GSE1: variants seen among roughly 807,000 people sequenced by gnomAD.
The protein encoded by GSE1 is genetic suppressor element 1.
A neutral mutation model predicts 112.6 loss-of-function variants in GSE1; 32 were observed. That is an observed-to-expected ratio of 0.28 (90% CI 0.21 to 0.38). The LOEUF (loss-of-function observed/expected upper bound fraction) is 0.38. Ranked by LOEUF, GSE1 falls within the 10% of genes least tolerant of loss-of-function variation. GSE1 has a pLI of 1.00. For synonymous variants in GSE1, 1,115 were observed against 735.6 expected (o/e 1.52, Z -8.35); for missense variants, 2,348 against 1,699.2 (o/e 1.38, Z -6.71).
At position 85,419,605 on chromosome 16, in the gene GSE1, CAAAAAAA is replaced by C. The variant is rs35813254; in HGVS notation, c.2464+61968_2464+61974del. Among the ~76,000 whole-genome samples, 1 of 145,522 alleles carries C rather than the reference CAAAAAAA, an allele frequency of 6.9e-6. No homozygotes were observed. Among genetic ancestry groups the C allele is most frequent in the Non-Finnish European group, 1.5e-5 (1 of 66,164 alleles). On this transcript the variant is annotated intron_variant, in intron 2 of 2. Coordinates refer to the GSE1 transcript ENST00000637419. The surrounding 1 kb of genome is among the most constrained non-coding windows in gnomAD (Gnocchi z 6.5). ...TGGGCAATAGAGCAAGGCTGTGTCT[CAAAAAAA>C]AAAAACAAAAAACAAAAAACAAAAA...
intron 1 of GSE1, among the ~76,000 whole-genome samples, chr16:85,185,855 C>T (rs1433761387): frequency 1.3e-5 from 2 of 152,202 alleles, no homozygotes; most frequent in Admixed American, 6.5e-5. Context: ...CTGGAGGGCC[C>T]TGCGGGGGCT....
At chr16:85,191,895 A>G (rs1032882565) in intron 1 of GSE1, among the ~76,000 whole-genome samples, 2 of 152,046 alleles carry the variant, frequency 1.3e-5, no homozygotes, top group Non-Finnish European at 2.9e-5. Context: ...TGAAGGACTT[A>G]GGCCATTAGC....
In GSE1 at chr16:85,669,005, A is replaced by C. The variant is rs867491916; in HGVS notation, c.3415+581A>C. ...ATCCCACCTGGGAATGCACACACCA[A>C]CCCTCCTGGGAAGCCACAGCACCAG... On this transcript the variant is annotated intron_variant, in intron 14 of 15. Coordinates refer to ENST00000253458, the MANE Select transcript of GSE1 (RefSeq NM_014615.5). 2.1e-3 allele frequency among the ~76,000 whole-genome samples: 325 copies of C among 152,254 alleles called. 1 individual carries two copies. Among genetic ancestry groups the C allele is most frequent in the African/African-American group, 7.4e-3 (307 of 41,538 alleles).
Position 85,280,627 on chromosome 16 carries a change from C to G in GSE1, c.2284-76836C>G, listed in dbSNP as rs186920498. 1.1e-4 allele frequency among the ~76,000 whole-genome samples: 17 copies of G among 152,246 alleles called. No individual in the cohort carries two copies. The East Asian group carries it at 3.1e-3, about 28-fold the overall frequency. On this transcript the variant is annotated intron_variant, in intron 1 of 2. Coordinates refer to the GSE1 transcript ENST00000637419. ...GCCAGGCCGCTCTCGAACTTCTGAC[C>G]TCAAGTGATCCGCCCACCTCAGCCT...
chr16:85,208,082 G>A (rs553511184), intron 1 of GSE1, among the ~76,000 whole-genome samples: 1 of 152,260 alleles, frequency 6.6e-6, no homozygotes, highest in Admixed American at 6.5e-5. Context: ...GTGTGTGGTT[G>A]GAGCAGCATT....
intron 2 of GSE1, among the ~76,000 whole-genome samples, chr16:85,525,244 C>T (rs2052327004): frequency 7.2e-6 from 1 of 138,014 alleles, no homozygotes; most frequent in African/African-American, 2.7e-5. Context: ...TCCTCTGGCT[C>T]ACTTGTCCCC....
intron 1 of GSE1, among the ~76,000 whole-genome samples, chr16:85,578,801 A>T (rs532935092): frequency 6.6e-5 from 10 of 152,102 alleles, no homozygotes; most frequent in African/African-American, 2.4e-4. Context: ...GCCTCTGCTC[A>T]GATGCCACCT....
intron 1 of GSE1, among the ~76,000 whole-genome samples, chr16:85,178,203 A>G (rs1467963484): frequency 6.6e-6 from 1 of 152,120 alleles, no homozygotes; most frequent in East Asian, 1.9e-4. Context: ...CACAGGGAAG[A>G]CTTCCTGGAG....
intron 1 of GSE1, among the ~76,000 whole-genome samples, chr16:85,585,111 T>A (rs1332048481): frequency 6.6e-6 from 1 of 152,146 alleles, no homozygotes; most frequent in African/African-American, 2.4e-5. Context: ...AAAGGCGTGA[T>A]CAGCTGCTGA....
At chr16:85,470,023 A>T (rs1597852682) in intron 2 of GSE1, among the ~76,000 whole-genome samples, 1 of 152,098 alleles carries the variant, frequency 6.6e-6, no homozygotes, top group Non-Finnish European at 1.5e-5. Flanking sequence ...CAGGCATCTC[A>T]ATGCCACCCC....
At chr16:85,618,892 G>C (rs2048547335) in intron 1 of GSE1, among the ~76,000 whole-genome samples, 2 of 152,254 alleles carry the variant, frequency 1.3e-5, no homozygotes, top group South Asian at 2.1e-4. Flanking sequence ...TCAAACTCCT[G>C]ATCTTGGGTG....
At chr16:85,637,165 C>G (rs1269240217) in intron 2 of GSE1, among the ~76,000 whole-genome samples, 1 of 152,214 alleles carries the variant, frequency 6.6e-6, no homozygotes, top group Non-Finnish European at 1.5e-5. Context: ...GTTGCATTTG[C>G]CGTCAGCTCC....
At chr16:85,600,763 A>G (rs1598336658) in intron 1 of GSE1, among the ~76,000 whole-genome samples, 1 of 152,270 alleles carries the variant, frequency 6.6e-6, no homozygotes, top group East Asian at 1.9e-4. Context: ...GCACTCAGCA[A>G]TCCAGGACAA....
chr16:85,525,411 G>A (rs918828499), intron 2 of GSE1, among the ~76,000 whole-genome samples: 17 of 152,348 alleles, frequency 1.1e-4, no homozygotes, highest in African/African-American at 2.9e-4. Context: ...TCTCCCCAGC[G>A]TTGGGGAAAT....
chr16:85,224,578 T>C (rs1222454562), intron 1 of GSE1, among the ~76,000 whole-genome samples: 1 of 152,164 alleles, frequency 6.6e-6, no homozygotes, highest in Non-Finnish European at 1.5e-5. Context: ...GAGCATCTAC[T>C]ATGTGCCGGG....
At chr16:85,540,542 G>A (rs149914829) in intron 2 of GSE1, among the ~76,000 whole-genome samples, 191 of 152,346 alleles carry the variant, frequency 1.3e-3, no homozygotes, top group African/African-American at 4.4e-3. Context: ...GGCAAATGTG[G>A]CCTCTGAGCT....
intron 1 of GSE1, among the ~76,000 whole-genome samples, chr16:85,336,000 A>C (rs1388500926): frequency 2.0e-5 from 3 of 152,136 alleles, no homozygotes; most frequent in Non-Finnish European, 4.4e-5. Context: ...GCAGGACCGC[A>C]TACTAGGACA....
At chr16:85,513,747 C>T (rs1251883184) in intron 2 of GSE1, among the ~76,000 whole-genome samples, 1 of 152,140 alleles carries the variant, frequency 6.6e-6, no homozygotes, top group Admixed American at 6.5e-5. Flanking sequence ...CCTTCCCTGT[C>T]CTGCTCCTGA....
intron 2 of GSE1, among the ~76,000 whole-genome samples, chr16:85,469,651 G>A (rs2050226337): frequency 6.6e-6 from 1 of 152,186 alleles, no homozygotes; most frequent in African/African-American, 2.4e-5. Flanking sequence ...CCAGTACTGT[G>A]GGGCATAGCT....
Sources: allele counts gnomAD v4.1 joint callset (sites outside exome capture counted in the v4.1 genomes callset), GRCh38; gene constraint gnomAD v4.1.1; non-coding constraint Gnocchi (gnomAD v3.1); transcripts MANE v1.5; gene names NCBI Gene and HGNC (gene_info 2026-07-23, HGNC 2026-07-21).